The following KLF15 variants were observed in gnomAD, a reference collection of about 807,000 sequenced individuals.
KLF15 encodes the protein KLF transcription factor 15, also known as Krueppel-like factor 15.
KLF15 carries 4 observed loss-of-function variants against 24.6 expected under a neutral mutation model. The ratio of observed to expected loss-of-function variants is 0.16; its 90% confidence interval spans 0.08 to 0.37. KLF15 has a LOEUF of 0.37. KLF15 is among the 10% of genes least tolerant of loss of function. KLF15 has a pLI of 1.00. For missense variants in KLF15, 496 were observed against 560.6 expected, an observed-to-expected ratio of 0.88 and a Z score of 1.16; for synonymous variants, 246 against 236.3, an observed-to-expected ratio of 1.04 and a Z score of -0.37.
chr3:126,325,121 C>A, the KLF15 span, among the ~76,000 whole-genome samples: 1 of 35,000 alleles, frequency 2.9e-5, no homozygotes, highest in Admixed American at 4.3e-4. Context: ...CATCCATGTC[C>A]CTACAAAGGA....
chr3:126,352,142 C>A lies in KLF15; in HGVS notation c.781G>T (p.Ala261Ser). ...GAGGGTACCACCTGGGGCACGAGTG[C>A]GAAGGTCTGCCCCTGGATGTTGACC... Reference protein sequence around the residue: ...LLVNIQGQTFALVPQVVPSSN... With the variant: ...LLVNIQGQTFSLVPQVVPSSN... Residue 261 changes from alanine (A) to serine (S), a missense_variant, in exon 2 of 3, where the codon GCA becomes TCA. This residue lies in a region of KLF15 where 399 missense variants were observed against 423.1 expected (regional missense o/e 0.94). Transcript: ENST00000296233. The A allele has an allele frequency of 6.4e-7, 1 of 1,569,380 alleles. No homozygotes were observed. The highest frequency in any genetic ancestry group is 8.6e-7 in the Non-Finnish European group (1 of 1,156,758).
intron 2 of KLF15, among the ~76,000 whole-genome samples, chr3:126,345,504 C>T (rs1467733400): frequency 3.9e-5 from 6 of 152,058 alleles, no homozygotes; most frequent in Non-Finnish European, 7.4e-5. Context: ...TACATGCCCA[C>T]ACATACAGGC....
chr3:126,317,872 C>A, the KLF15 span, among the ~76,000 whole-genome samples: 11 of 152,170 alleles, frequency 7.2e-5, no homozygotes, highest in Admixed American at 2.6e-4. Flanking sequence ...GTCCCTCGGT[C>A]GGATTCTTCT....
At chr3:126,353,616 T>G (rs542828801) in intron 1 of KLF15, among the ~76,000 whole-genome samples, 2 of 152,260 alleles carry the variant, frequency 1.3e-5, no homozygotes, top group Non-Finnish European at 2.9e-5. Flanking sequence ...GCCTGCATTT[T>G]AACTGGGCAA....
the KLF15 span, among the ~76,000 whole-genome samples, chr3:126,315,650 T>C: frequency 6.6e-6 from 1 of 152,176 alleles, no homozygotes; most frequent in African/African-American, 2.4e-5. Flanking sequence ...CACTGCTGTC[T>C]CCGGCTGCAT....
chr3:126,353,068 C>T, intron 1 of KLF15, 121 bp from the exon 2 acceptor site: 1 of 1,145,418 alleles, frequency 8.7e-7, no homozygotes, highest in Non-Finnish European at 1.2e-6. Flanking sequence ...CGCCTGGATC[C>T]TGCTTCCATC....
chr3:126,322,484 C>T, the KLF15 span, among the ~76,000 whole-genome samples: 3 of 152,142 alleles, frequency 2.0e-5, no homozygotes, highest in Non-Finnish European at 2.9e-5. Context: ...TACTGCCCCT[C>T]GCATAAGGAC....
chr3:126,290,405 T>C, the KLF15 span, among the ~76,000 whole-genome samples: 3 of 152,144 alleles, frequency 2.0e-5, no homozygotes, highest in Non-Finnish European at 4.4e-5. Flanking sequence ...CTGTCCCTGA[T>C]TGGCCCACCA....
chr3:126,298,014 G>A, the KLF15 span, among the ~76,000 whole-genome samples: 7 of 152,254 alleles, frequency 4.6e-5, no homozygotes, highest in East Asian at 1.4e-3. Context: ...AGTTCTTTAA[G>A]GAATCTCCAT....
the KLF15 span, among the ~76,000 whole-genome samples, chr3:126,329,414 G>A: frequency 0.63 from 95,934 of 151,990 alleles, 30,413 homozygotes; most frequent in South Asian, 0.72. Flanking sequence ...GAGCCTGGGA[G>A]TTTGAAGCTG....
chr3:126,342,228 C>A (rs1056331467), downstream of KLF15, among the ~76,000 whole-genome samples: 3 of 152,232 alleles, frequency 2.0e-5, no homozygotes, highest in Non-Finnish European at 4.4e-5. Flanking sequence ...GGTAAATACT[C>A]TGCCAAGGCA....
At chr3:126,344,971 C>T (rs899348056) in intron 2 of KLF15, among the ~76,000 whole-genome samples, 1 of 152,150 alleles carries the variant, frequency 6.6e-6, no homozygotes, top group African/African-American at 2.4e-5. Context: ...GGCTTGGCAG[C>T]AGGTCCCTCC....
At chr3:126,317,057 A>G in the KLF15 span, among the ~76,000 whole-genome samples, 1 of 152,092 alleles carries the variant, frequency 6.6e-6, no homozygotes, top group Non-Finnish European at 1.5e-5. Context: ...GGTTCCATCC[A>G]TTCTCCTTCT....
the KLF15 span, among the ~76,000 whole-genome samples, chr3:126,297,792 T>C: frequency 6.6e-6 from 1 of 152,242 alleles, no homozygotes; most frequent in Non-Finnish European, 1.5e-5. Flanking sequence ...TCATTCTGTC[T>C]TATGGCTGAA....
the KLF15 span, among the ~76,000 whole-genome samples, chr3:126,297,678 A>G: frequency 1.4e-4 from 21 of 152,158 alleles, no homozygotes; most frequent in South Asian, 1.7e-3. Flanking sequence ...GCTCCCCCTT[A>G]TAAGTGAGAA....
chr3:126,296,428 T>C, the KLF15 span, among the ~76,000 whole-genome samples: 1 of 152,226 alleles, frequency 6.6e-6, no homozygotes, highest in Admixed American at 6.5e-5. Flanking sequence ...AGGATGGTCT[T>C]TATCTCCTGA....
At chr3:126,341,415 C>T (rs960314657), downstream of KLF15, among the ~76,000 whole-genome samples, 1 of 152,216 alleles carries the variant, frequency 6.6e-6, no homozygotes, top group Non-Finnish European at 1.5e-5. Context: ...CTCCCTGTCC[C>T]TCTGACGTAC....
At chr3:126,318,440 G>A in the KLF15 span, among the ~76,000 whole-genome samples, 9 of 152,068 alleles carry the variant, frequency 5.9e-5, no homozygotes, top group African/African-American at 2.2e-4. Context: ...TAATGTTGAT[G>A]GGTAGGTATT....
chr3:126,317,389 G>C, the KLF15 span, among the ~76,000 whole-genome samples: 11 of 152,292 alleles, frequency 7.2e-5, no homozygotes, highest in African/African-American at 2.6e-4. Context: ...ACCAGGGAAA[G>C]GCGGTCTCCC....
Sources: gnomAD v4.1 joint callset for allele counts (sites outside exome capture counted in the v4.1 genomes callset) on GRCh38, gnomAD v4.1.1 for gene constraint, gnomAD v4.1.1 regional missense constraint, MANE v1.5 for transcripts, NCBI Gene and HGNC (gene_info 2026-07-23, HGNC 2026-07-21) for gene names.